RANBP2: variants seen among roughly 807,000 people sequenced by gnomAD.
The protein encoded by RANBP2 is E3 SUMO-protein ligase RanBP2.
Under a neutral mutation model 303.6 loss-of-function variants are expected in RANBP2, and 57 were observed. That is an observed-to-expected ratio of 0.19 (90% confidence interval 0.15 to 0.23). The LOEUF (loss-of-function observed/expected upper bound fraction) is 0.23. Among genes scored for constraint, RANBP2 ranks in the 10% least tolerant of loss-of-function variants. RANBP2 has a pLI of 1.00. For synonymous variants in RANBP2, 1,167 were observed against 1,301.5 expected (o/e 0.90, Z 2.23); for missense variants, 3,138 against 3,780.8 (o/e 0.83, Z 4.46).
At chr2:108,739,207 C>T (rs1402793168) in intron 6 of RANBP2, among the ~76,000 whole-genome samples, 1 of 151,806 alleles carries the variant, frequency 6.6e-6, no homozygotes, top group Non-Finnish European at 1.5e-5. Flanking sequence ...TCGAGACCAT[C>T]CCAGCTAACA....
chr2:109,509,914 G>C, the RANBP2 span, among the ~76,000 whole-genome samples: 2 of 152,124 alleles, frequency 1.3e-5, no homozygotes, highest in Non-Finnish European at 2.9e-5. Flanking sequence ...AAAATAACTA[G>C]GCGATAGCTA....
rs2149336993 is a variant in RANBP2 at position 108,784,033 on chromosome 2, T to C, written c.*132T>C. On this transcript the variant is annotated 3_prime_UTR_variant, in exon 29 of 29. Coordinates refer to ENST00000283195, the MANE Select transcript of RANBP2 (RefSeq NM_006267.5). ...TTTACAAATGTAAAATTGCAGCTTA[T>C]AGCTGTTGTCACTTTTTAATGTGTT... is the stretch of plus-strand genomic sequence containing the variant. 2 of 864,938 alleles carry C rather than the reference T, an allele frequency of 2.3e-6. No homozygotes were observed. The highest frequency in any genetic ancestry group is 3.5e-6 in the Non-Finnish European group (2 of 568,608). The allele number at this position is 864,938 out of a possible 1,614,324, so 53.6% of individuals were successfully genotyped here.
At chr2:109,398,811 C>G in the RANBP2 span, 1 of 1,613,870 alleles carries the variant, frequency 6.2e-7, no homozygotes, top group African/African-American at 1.3e-5. Context: ...GTGTGACGCA[C>G]AGATCCTCCC....
chr2:108,799,964 A>C, the RANBP2 span, among the ~76,000 whole-genome samples: 1 of 151,974 alleles, frequency 6.6e-6, no homozygotes, highest in African/African-American at 2.4e-5. Flanking sequence ...TAAAAAATTT[A>C]TTTTTGTTTT....
At chr2:109,690,216 G>A in the RANBP2 span, among the ~76,000 whole-genome samples, 4 of 152,156 alleles carry the variant, frequency 2.6e-5, no homozygotes, top group Admixed American at 2.6e-4. Context: ...GCACAGCTTG[G>A]TTTTATACAT....
At chr2:108,786,161 A>G (rs1678659199), downstream of RANBP2, among the ~76,000 whole-genome samples, 1 of 151,278 alleles carries the variant, frequency 6.6e-6, no homozygotes, top group African/African-American at 2.4e-5. Flanking sequence ...CAGGGTGCTT[A>G]CATTCTAACT....
the RANBP2 span, among the ~76,000 whole-genome samples, chr2:108,918,965 T>C: frequency 2.0e-5 from 3 of 152,272 alleles, no homozygotes; most frequent in African/African-American, 7.2e-5. Flanking sequence ...TCGCAGAGAC[T>C]CTCTAGCTGC....
the RANBP2 span, among the ~76,000 whole-genome samples, chr2:109,766,469 C>A: frequency 6.6e-6 from 1 of 150,462 alleles, no homozygotes; most frequent in South Asian, 2.2e-4. Context: ...GAGTGTGCAC[C>A]TTAATGTGTG....
At chr2:109,581,369 G>A in the RANBP2 span, among the ~76,000 whole-genome samples, 1 of 151,946 alleles carries the variant, frequency 6.6e-6, no homozygotes, top group African/African-American at 2.4e-5. Context: ...CCCAGGAGGC[G>A]GAGGTTGCAG....
the RANBP2 span, among the ~76,000 whole-genome samples, chr2:109,341,913 A>G: frequency 6.6e-6 from 1 of 152,278 alleles, no homozygotes; most frequent in East Asian, 1.9e-4. Flanking sequence ...GAAATTTGGA[A>G]TATTCTGACA....
the RANBP2 span, among the ~76,000 whole-genome samples, chr2:108,840,620 T>C: frequency 7.2e-5 from 11 of 152,292 alleles, no homozygotes; most frequent in South Asian, 2.3e-3. Flanking sequence ...GAGTTTTTCA[T>C]AGTATTCTCT....
At chr2:108,792,301 T>G in the RANBP2 span, among the ~76,000 whole-genome samples, 1 of 152,240 alleles carries the variant, frequency 6.6e-6, no homozygotes, top group Non-Finnish European at 1.5e-5. Flanking sequence ...ACATTCATTT[T>G]CCTCTTTTCC....
At chr2:108,809,627 G>A in the RANBP2 span, among the ~76,000 whole-genome samples, 14 of 151,978 alleles carry the variant, frequency 9.2e-5, no homozygotes, top group African/African-American at 3.4e-4. Flanking sequence ...TTCTTTTTCA[G>A]TTAGTTTGTT....
the RANBP2 span, among the ~76,000 whole-genome samples, chr2:108,944,266 A>G: frequency 6.6e-6 from 1 of 152,166 alleles, no homozygotes; most frequent in African/African-American, 2.4e-5. Context: ...GGGCTGTACC[A>G]ACATGCCTGG....
At chr2:109,720,314 C>T in the RANBP2 span, among the ~76,000 whole-genome samples, 3 of 151,866 alleles carry the variant, frequency 2.0e-5, no homozygotes, top group Admixed American at 1.3e-4. Context: ...TATACAGTCC[C>T]TTCAGTGACA....
At chr2:109,473,783 A>T in the RANBP2 span, among the ~76,000 whole-genome samples, 1 of 141,242 alleles carries the variant, frequency 7.1e-6, no homozygotes, top group East Asian at 2.3e-4. Flanking sequence ...TGAGCCTGAG[A>T]GGCCTCTGAG....
chr2:109,209,255 C>G, the RANBP2 span, among the ~76,000 whole-genome samples: 1 of 152,176 alleles, frequency 6.6e-6, no homozygotes, highest in Admixed American at 6.5e-5. Context: ...ACTGAGAGGT[C>G]ATCACATTCA....
the RANBP2 span, among the ~76,000 whole-genome samples, chr2:109,145,882 G>A: frequency 1.3e-5 from 2 of 152,314 alleles, no homozygotes; most frequent in East Asian, 1.9e-4. Context: ...GGGAGGCTGC[G>A]TAGGGCTATG....
At chr2:108,910,701 G>GTCCTC in the RANBP2 span, 1 of 1,526,982 alleles carries the variant, frequency 6.5e-7, no homozygotes, top group East Asian at 2.3e-5. Context: ...GCAGCGAGGA[G>GTCCTC]GCTGCTTCTG....
Sources: allele counts gnomAD v4.1 joint callset (sites outside exome capture counted in the v4.1 genomes callset), GRCh38; gene constraint gnomAD v4.1.1; transcripts MANE v1.5; gene names NCBI Gene and HGNC (gene_info 2026-07-23, HGNC 2026-07-21).